Variants in ERI3 observed in about 807,000 individuals in gnomAD.
ERI3 encodes the protein ERI1 exoribonuclease 3.
Under a neutral mutation model 44.4 loss-of-function variants are expected in ERI3, and 18 were observed. The ratio of observed to expected loss-of-function variants is 0.41; its 90% CI spans 0.28 to 0.60. ERI3 has a LOEUF of 0.60. Ranked by LOEUF, ERI3 falls within the 20% of genes least tolerant of loss-of-function variation. The pLI, the probability that ERI3 is intolerant of heterozygous loss-of-function variation, is 0.36. For synonymous variants in ERI3, 183 were observed against 164.8 expected, an observed-to-expected ratio of 1.11 and a Z score of -0.84; for missense variants, 294 against 435.5, an observed-to-expected ratio of 0.68 and a Z score of 2.89.
chr1:44,345,565 AC>A (rs1646768011), intron 2 of ERI3, among the ~76,000 whole-genome samples: 1 of 152,180 alleles, frequency 6.6e-6, no homozygotes, highest in Non-Finnish European at 1.5e-5. Flanking sequence ...CTGCAGTATC[AC>A]AAGTGCTCAG....
intron 8 of ERI3, among the ~76,000 whole-genome samples, chr1:44,224,016 C>A (rs1643971084): frequency 6.6e-6 from 1 of 152,196 alleles, no homozygotes; most frequent in Non-Finnish European, 1.5e-5. Flanking sequence ...GTTCTCCATC[C>A]CAGTGAATGG....
At chr1:44,329,973 T>C (rs1166179947) in intron 3 of ERI3, among the ~76,000 whole-genome samples, 1 of 152,076 alleles carries the variant, frequency 6.6e-6, no homozygotes, top group African/African-American at 2.4e-5. Flanking sequence ...ACATGTAACT[T>C]CTCCCCATTC....
intron 4 of ERI3, among the ~76,000 whole-genome samples, chr1:44,316,047 G>A (rs1015572347): frequency 4.6e-5 from 7 of 150,736 alleles, no homozygotes; most frequent in South Asian, 2.1e-4. Flanking sequence ...TATAAGACAC[G>A]TGTAAGGTTT....
At chr1:44,259,381 C>T (rs1236609354) in intron 7 of ERI3, among the ~76,000 whole-genome samples, 2 of 152,002 alleles carry the variant, frequency 1.3e-5, no homozygotes, top group African/African-American at 4.8e-5. Flanking sequence ...CGCCAGAGTC[C>T]CTGAGCACAG....
chr1:44,259,681 A>AACACACAG (rs1553185513), intron 7 of ERI3, among the ~76,000 whole-genome samples: 2 of 54,050 alleles, frequency 3.7e-5, no homozygotes, highest in Non-Finnish European at 6.5e-5. Flanking sequence ...ATCTCTACAA[A>AACACACAG]ACACACAGAC....
At chr1:44,288,913 C>A (rs1293173297) in intron 6 of ERI3, among the ~76,000 whole-genome samples, 1 of 151,998 alleles carries the variant, frequency 6.6e-6, no homozygotes, top group Admixed American at 6.5e-5. Flanking sequence ...GATTGTGATT[C>A]CAAGAAAAGA....
intron 8 of ERI3, among the ~76,000 whole-genome samples, chr1:44,225,778 T>C (rs1644023733): frequency 6.6e-6 from 1 of 152,094 alleles, no homozygotes; most frequent in Non-Finnish European, 1.5e-5. Flanking sequence ...GGGAACTGAG[T>C]GGCAGTGGAC....
At chr1:44,307,583 G>C (rs1645866035) in intron 6 of ERI3, among the ~76,000 whole-genome samples, 1 of 152,148 alleles carries the variant, frequency 6.6e-6, no homozygotes, top group Non-Finnish European at 1.5e-5. Context: ...ATCCATGAGG[G>C]CAGACAAGAT....
intron 7 of ERI3, chr1:44,284,023 T>C: frequency 2.1e-6 from 1 of 471,056 alleles, no homozygotes; most frequent in Non-Finnish European, 4.4e-6. Context: ...CTGAGCTTCC[T>C]CTGACTGGTA....
In ERI3 at chr1:44,308,396, G is replaced by A. The variant is rs41311203; in HGVS notation, c.672C>T (p.Val224=). The change falls in exon 6 of 9, where the codon GTC becomes GTT. Residue 224 remains valine, a synonymous_variant. Transcript: ENST00000372257. Reference sequence around the variant, plus strand: ...GGCCTTCCTTCGCCATCCATTCATCGACCCTCTGAAAAGTACACAAGAACA... The same window carrying A: ...GGCCTTCCTTCGCCATCCATTCATCAACCCTCTGAAAAGTACACAAGAACA... ...QPSLQQVLER[V]DEWMAKEGLL... 7,826 of 1,613,686 alleles carry A rather than the reference G, an allele frequency of 4.8e-3. 35 individuals carry two copies. Among genetic ancestry groups the A allele is most frequent in the Non-Finnish European group, 6.2e-3 (7,306 of 1,179,638 alleles).
intron 2 of ERI3, among the ~76,000 whole-genome samples, chr1:44,347,790 C>G (rs1401722468): frequency 6.8e-6 from 1 of 147,558 alleles, no homozygotes; most frequent in East Asian, 2.0e-4. Flanking sequence ...AAAAAAAAAG[C>G]ATATTTGACA....
At chr1:44,344,791 C>A (rs1646751717) in intron 2 of ERI3, among the ~76,000 whole-genome samples, 1 of 152,142 alleles carries the variant, frequency 6.6e-6, no homozygotes, top group Non-Finnish European at 1.5e-5. Context: ...CATCCTTTTC[C>A]GTCTCCTAGC....
intron 7 of ERI3, among the ~76,000 whole-genome samples, chr1:44,258,465 C>G (rs1644823480): frequency 6.6e-6 from 1 of 152,120 alleles, no homozygotes; most frequent in African/African-American, 2.4e-5. Flanking sequence ...ACATTCATCC[C>G]AGATCCCCCT....
At chr1:44,294,959 G>A (rs1421594444) in intron 6 of ERI3, among the ~76,000 whole-genome samples, 1 of 152,178 alleles carries the variant, frequency 6.6e-6, no homozygotes, top group Non-Finnish European at 1.5e-5. Context: ...GTTGCAGTCT[G>A]ACCTCCGCTC....
chr1:44,354,690 C>G, intron 1 of ERI3: 1 of 985,446 alleles, frequency 1.0e-6, no homozygotes, highest in Non-Finnish European at 1.2e-6. Flanking sequence ...AAGTCAACCC[C>G]CTTAATAAAC....
chr1:44,296,289 G>C (rs962651869), intron 6 of ERI3, among the ~76,000 whole-genome samples: 5 of 152,164 alleles, frequency 3.3e-5, no homozygotes, highest in African/African-American at 1.2e-4. Context: ...TGACCCCTGA[G>C]GTCGCTGCAT....
intron 3 of ERI3, among the ~76,000 whole-genome samples, chr1:44,321,039 G>A (rs1234031932): frequency 2.0e-5 from 3 of 152,112 alleles, no homozygotes; most frequent in Non-Finnish European, 4.4e-5. Flanking sequence ...GAAGCAACAC[G>A]AAACGGATGA....
chr1:44,277,134 G>A (rs993529459), intron 7 of ERI3, among the ~76,000 whole-genome samples: 2 of 152,176 alleles, frequency 1.3e-5, no homozygotes, highest in Non-Finnish European at 2.9e-5. Context: ...CCATCAGATG[G>A]TAACTACCTC....
intron 2 of ERI3, among the ~76,000 whole-genome samples, chr1:44,345,075 T>C (rs1177888505): frequency 2.0e-5 from 3 of 152,096 alleles, no homozygotes; most frequent in Admixed American, 1.3e-4. Context: ...ATGAGGGAAA[T>C]AATATGCCTT....
Sources: allele counts gnomAD v4.1 joint callset (sites outside exome capture counted in the v4.1 genomes callset), GRCh38; gene constraint gnomAD v4.1.1; transcripts MANE v1.5; gene names NCBI Gene and HGNC (gene_info 2026-07-23, HGNC 2026-07-21).